CDH12: variants seen among roughly 807,000 people sequenced by gnomAD.
The protein encoded by CDH12 is cadherin 12.
CDH12 carries 41 observed loss-of-function variants against 74.1 expected under a neutral mutation model. The observed-to-expected ratio is 0.55, with a 90% CI of 0.43 to 0.72. The LOEUF (loss-of-function observed/expected upper bound fraction) is 0.72, where lower values mean the gene tolerates loss of function less well. Among genes scored for constraint, CDH12 ranks in the 30% least tolerant of loss-of-function variants. The pLI is 0.00. For synonymous variants in CDH12, 399 were observed against 355.0 expected, an observed-to-expected ratio of 1.12 and a Z score of -1.39; for missense variants, 945 against 977.2, an observed-to-expected ratio of 0.97 and a Z score of 0.44.
At chr5:22,098,332 A>T (rs1455598866) in intron 4 of CDH12, among the ~76,000 whole-genome samples, 1 of 151,936 alleles carries the variant, frequency 6.6e-6, no homozygotes, top group Non-Finnish European at 1.5e-5. Context: ...AATCTCCCAA[A>T]CCCCAATCCC....
At chr5:22,072,830 A>C (rs1375731611) in intron 5 of CDH12, among the ~76,000 whole-genome samples, 1 of 151,890 alleles carries the variant, frequency 6.6e-6, no homozygotes, top group East Asian at 1.9e-4. Context: ...TATTGAAATG[A>C]TTGTTAGCAC....
chr5:22,401,679 A>G (rs1246428821), intron 3 of CDH12, among the ~76,000 whole-genome samples: 2 of 152,172 alleles, frequency 1.3e-5, no homozygotes, highest in Non-Finnish European at 2.9e-5. Flanking sequence ...TTCAAATTTT[A>G]CCACCCAGAA....
chr5:21,983,409 T>C (rs1276199179), intron 5 of CDH12, among the ~76,000 whole-genome samples: 1 of 152,152 alleles, frequency 6.6e-6, no homozygotes, highest in East Asian at 1.9e-4. Context: ...CTTTTTATTT[T>C]CATCTTCTCT....
chr5:22,812,486 G>C (rs1046587269), intron 1 of CDH12, among the ~76,000 whole-genome samples: 1 of 152,118 alleles, frequency 6.6e-6, no homozygotes, highest in African/African-American at 2.4e-5. Flanking sequence ...GCCAAGTACA[G>C]GGTCCCTTTT....
chr5:21,800,006 G>A (rs1314508940), intron 10 of CDH12, among the ~76,000 whole-genome samples: 1 of 152,138 alleles, frequency 6.6e-6, no homozygotes, highest in Non-Finnish European at 1.5e-5. Flanking sequence ...TTATGTTTGA[G>A]ACTAAGGTTT....
chr5:22,246,394 A>C (rs1752945583), intron 3 of CDH12, among the ~76,000 whole-genome samples: 1 of 152,134 alleles, frequency 6.6e-6, no homozygotes, highest in Non-Finnish European at 1.5e-5. Flanking sequence ...AATTTCAAAT[A>C]TCTTAGAACC....
chr5:21,818,807 AAAT>A (rs1193755762), intron 8 of CDH12, among the ~76,000 whole-genome samples: 1 of 152,008 alleles, frequency 6.6e-6, no homozygotes, highest in Non-Finnish European at 1.5e-5. Context: ...ATAAATAAAA[AAAT>A]AAACATTATA....
chr5:22,605,816 G>A (rs115526687), intron 1 of CDH12, among the ~76,000 whole-genome samples: 66 of 152,320 alleles, frequency 4.3e-4, no homozygotes, highest in African/African-American at 1.5e-3. Flanking sequence ...TTTCCATCTT[G>A]CTCTTGGGCA....
At chr5:22,506,924 T>C (rs1204535713) in intron 1 of CDH12, among the ~76,000 whole-genome samples, 2 of 152,126 alleles carry the variant, frequency 1.3e-5, no homozygotes, top group African/African-American at 4.8e-5. Flanking sequence ...TTGGGTGCAA[T>C]AGAGTATATA....
intron 4 of CDH12, among the ~76,000 whole-genome samples, chr5:22,117,822 A>AC (rs1005250717): frequency 6.6e-6 from 1 of 150,840 alleles, no homozygotes; most frequent in Non-Finnish European, 1.5e-5. Flanking sequence ...TATGTGAAAA[A>AC]AATGTAATGT....
intron 5 of CDH12, among the ~76,000 whole-genome samples, chr5:22,061,606 G>A (rs1036297458): frequency 6.6e-6 from 1 of 151,826 alleles, no homozygotes; most frequent in African/African-American, 2.4e-5. Context: ...ATCCCACTGG[G>A]GTTCATTTCT....
intron 1 of CDH12, among the ~76,000 whole-genome samples, chr5:22,808,215 A>G (rs1202027562): frequency 6.6e-6 from 1 of 152,212 alleles, no homozygotes; most frequent in Non-Finnish European, 1.5e-5. Context: ...CACTCATGCT[A>G]TCTACTCTAT....
intron 2 of CDH12, among the ~76,000 whole-genome samples, chr5:22,432,623 A>G (rs1744220664): frequency 6.6e-6 from 1 of 152,038 alleles, no homozygotes; most frequent in South Asian, 2.1e-4. Context: ...AAGAATTATC[A>G]AAGATTGTAA....
intron 7 of CDH12, among the ~76,000 whole-genome samples, chr5:21,854,109 A>G (rs1750622645): frequency 6.6e-6 from 1 of 151,714 alleles, no homozygotes; most frequent in African/African-American, 2.4e-5. Flanking sequence ...ATTGTATTTG[A>G]ATTTGAAAAC....
chr5:21,866,985 A>G (rs1438705366), intron 6 of CDH12, among the ~76,000 whole-genome samples: 6 of 152,166 alleles, frequency 3.9e-5, no homozygotes, highest in African/African-American at 1.4e-4. Flanking sequence ...GCTCTGGGCC[A>G]TGGCTTCAGA....
At chr5:22,510,263 C>G (rs908381694) in intron 1 of CDH12, among the ~76,000 whole-genome samples, 3 of 152,020 alleles carry the variant, frequency 2.0e-5, no homozygotes, top group African/African-American at 7.2e-5. Flanking sequence ...GTCCTATGGG[C>G]CACCCATAGC....
At chr5:22,216,410 T>C (rs1349772639) in intron 3 of CDH12, among the ~76,000 whole-genome samples, 2 of 151,964 alleles carry the variant, frequency 1.3e-5, no homozygotes, top group African/African-American at 4.8e-5. Flanking sequence ...CTTACACAAA[T>C]AGAATCTTGC....
rs533229636 is a variant in CDH12, at chr5:22,036,429, A to C, written c.231+42017T>G. On this transcript the variant is annotated intron_variant, in intron 5 of 14. Transcript: ENST00000382254. ...AAAAGAGAACATTGTCAAAACTAGG[A>C]AATGGGGACCCTTTCAGAAAGCCAT... 4.0e-4 allele frequency among the ~76,000 whole-genome samples: 61 copies of C among 152,298 alleles called. 1 individual carries two copies. The South Asian group carries it at 0.012, about 29-fold the overall frequency.
chr5:22,247,542 G>C (rs933990945), intron 3 of CDH12, among the ~76,000 whole-genome samples: 5 of 152,070 alleles, frequency 3.3e-5, no homozygotes, highest in Non-Finnish European at 7.4e-5. Flanking sequence ...GGGCATGGTG[G>C]CGCGTGCCTG....
Sources: gnomAD v4.1 joint callset for allele counts (sites outside exome capture counted in the v4.1 genomes callset) on GRCh38, gnomAD v4.1.1 for gene constraint, MANE v1.5 for transcripts, NCBI Gene and HGNC (gene_info 2026-07-23, HGNC 2026-07-21) for gene names.